Variants in RPS6KC1 observed in about 807,000 individuals in gnomAD.
The protein encoded by RPS6KC1 is ribosomal protein S6 kinase C1.
Under a neutral mutation model 103.8 loss-of-function variants are expected in RPS6KC1, and 54 were observed. The ratio of observed to expected loss-of-function variants is 0.52; its 90% CI spans 0.42 to 0.65. The LOEUF (loss-of-function observed/expected upper bound fraction) is 0.65. Ranked by LOEUF, RPS6KC1 falls within the 30% of genes least tolerant of loss-of-function variation. The pLI is 0.00. For missense variants in RPS6KC1, 1,151 were observed against 1,253.8 expected (o/e 0.92, Z 1.24); for synonymous variants, 439 against 438.7 (o/e 1.00, Z -0.01).
the RPS6KC1 span, among the ~76,000 whole-genome samples, chr1:213,770,305 G>A: frequency 2.0e-5 from 3 of 152,048 alleles, no homozygotes; most frequent in Non-Finnish European, 2.9e-5. Flanking sequence ...GCACCCAGCC[G>A]CCCCCTGTAG....
At chr1:213,710,308 G>A in the RPS6KC1 span, among the ~76,000 whole-genome samples, 2 of 152,108 alleles carry the variant, frequency 1.3e-5, no homozygotes, top group South Asian at 4.1e-4. Context: ...TTGGTTTAAA[G>A]TCTGTCTTAT....
rs1372195151 is a variant in RPS6KC1, at chr1:213,168,718, G to A, written c.951+745G>A. On this transcript the variant is annotated intron_variant, in intron 7 of 14. Coordinates refer to ENST00000366960, the MANE Select transcript of RPS6KC1 (RefSeq NM_012424.6). ...GCTCACTGCAAGCTCCGCCTCCCGG[G>A]TTCACGCCATTCTCCTGCCTCAGCC... Among the ~76,000 whole-genome samples the A allele has an allele frequency of 3.3e-5, 5 of 151,942 alleles. No individual in the cohort carries two copies. The East Asian group carries it at 5.8e-4, about 18-fold the overall frequency.
chr1:213,451,844 G>A, the RPS6KC1 span, among the ~76,000 whole-genome samples: 1 of 152,302 alleles, frequency 6.6e-6, no homozygotes, highest in East Asian at 1.9e-4. Flanking sequence ...GGGAGTCCCG[G>A]ATGGAAGGCT....
chr1:213,146,872 C>CTCATTGTGG (rs2087908097), intron 6 of RPS6KC1, among the ~76,000 whole-genome samples: 1 of 151,148 alleles, frequency 6.6e-6, no homozygotes, highest in African/African-American at 2.4e-5. Context: ...TATTGCCCGT[C>CTCATTGTGG]TTTTGGATAT....
chr1:213,812,095 A>G, the RPS6KC1 span, among the ~76,000 whole-genome samples: 1 of 152,208 alleles, frequency 6.6e-6, no homozygotes, highest in Non-Finnish European at 1.5e-5. Context: ...ACAGTCTTCT[A>G]AAGCTTCACT....
At chr1:213,557,869 G>A in the RPS6KC1 span, among the ~76,000 whole-genome samples, 1 of 152,120 alleles carries the variant, frequency 6.6e-6, no homozygotes, top group Non-Finnish European at 1.5e-5. Flanking sequence ...TAACAAATAA[G>A]GCTAAGTAAA....
chr1:213,315,635 A>G, the RPS6KC1 span, among the ~76,000 whole-genome samples: 6 of 152,236 alleles, frequency 3.9e-5, no homozygotes, highest in East Asian at 1.2e-3. Flanking sequence ...GATCTATATT[A>G]GTATATAGGA....
chr1:213,587,122 C>T, the RPS6KC1 span, among the ~76,000 whole-genome samples: 1 of 152,118 alleles, frequency 6.6e-6, no homozygotes, highest in Non-Finnish European at 1.5e-5. Context: ...TACATTTTAC[C>T]TTTATGCTTT....
chr1:213,201,403 C>T (rs533570884), intron 8 of RPS6KC1, among the ~76,000 whole-genome samples: 2 of 152,284 alleles, frequency 1.3e-5, no homozygotes, highest in African/African-American at 4.8e-5. Flanking sequence ...CTGGAAAAGG[C>T]AAACCCATGG....
intron 3 of RPS6KC1, among the ~76,000 whole-genome samples, chr1:213,099,781 A>T (rs1333519015): frequency 6.6e-6 from 1 of 152,106 alleles, no homozygotes; most frequent in Non-Finnish European, 1.5e-5. Context: ...CTCCTGCAGC[A>T]TGTTTTTGGG....
chr1:213,804,188 A>C, the RPS6KC1 span, among the ~76,000 whole-genome samples: 13 of 150,384 alleles, frequency 8.6e-5, no homozygotes, highest in East Asian at 1.9e-4. Context: ...AAAAAAAAAA[A>C]AAAAAAAAAA....
the RPS6KC1 span, among the ~76,000 whole-genome samples, chr1:213,834,360 C>T: frequency 1.3e-5 from 2 of 152,144 alleles, no homozygotes; most frequent in Non-Finnish European, 1.5e-5. Flanking sequence ...CTGTTCACCA[C>T]AATGCTGGGA....
At chr1:213,142,782 A>C (rs2087227782) in intron 6 of RPS6KC1, among the ~76,000 whole-genome samples, 1 of 152,086 alleles carries the variant, frequency 6.6e-6, no homozygotes, top group Non-Finnish European at 1.5e-5. Context: ...GTCATTTTTT[A>C]GCAATATTTT....
At chr1:213,616,722 C>CTA in the RPS6KC1 span, among the ~76,000 whole-genome samples, 5 of 152,266 alleles carry the variant, frequency 3.3e-5, no homozygotes, top group South Asian at 8.3e-4. Context: ...GGTATACATA[C>CTA]TATAGCATGA....
the RPS6KC1 span, among the ~76,000 whole-genome samples, chr1:213,443,491 G>A: frequency 6.6e-6 from 1 of 152,116 alleles, no homozygotes; most frequent in African/African-American, 2.4e-5. Flanking sequence ...TTAGCCAGGG[G>A]TCCTAATTAA....
chr1:213,806,112 C>G, the RPS6KC1 span, among the ~76,000 whole-genome samples: 1 of 152,260 alleles, frequency 6.6e-6, no homozygotes, highest in Admixed American at 6.5e-5. Flanking sequence ...GTGGGTGGAT[C>G]ATGAGGTCAG....
the RPS6KC1 span, among the ~76,000 whole-genome samples, chr1:213,776,430 G>C: frequency 6.6e-6 from 1 of 152,202 alleles, no homozygotes; most frequent in African/African-American, 2.4e-5. Flanking sequence ...CTCCATCAGA[G>C]CTCCTGGGTG....
At chr1:213,521,011 A>G in the RPS6KC1 span, among the ~76,000 whole-genome samples, 2 of 152,238 alleles carry the variant, frequency 1.3e-5, no homozygotes, top group African/African-American at 2.4e-5. Context: ...TATAATATAC[A>G]GAATATATGA....
chr1:213,192,141 T>G (rs923246497), intron 8 of RPS6KC1, among the ~76,000 whole-genome samples: 1 of 152,194 alleles, frequency 6.6e-6, no homozygotes, highest in Non-Finnish European at 1.5e-5. Flanking sequence ...CAGCATCAGT[T>G]GAAATGATAT....
Sources: gnomAD v4.1 joint callset for allele counts (sites outside exome capture counted in the v4.1 genomes callset) on GRCh38, gnomAD v4.1.1 for gene constraint, MANE v1.5 for transcripts, NCBI Gene and HGNC (gene_info 2026-07-23, HGNC 2026-07-21) for gene names.